LAMA2: variants seen among roughly 807,000 people sequenced by gnomAD.
The protein encoded by LAMA2 is laminin subunit alpha-2.
A neutral mutation model predicts 364.8 loss-of-function variants in LAMA2; 269 were observed. That is an observed-to-expected ratio of 0.74 (90% CI 0.67 to 0.82). The LOEUF is 0.82. LAMA2 is among the 40% of genes least tolerant of loss of function. The probability of loss-of-function intolerance (pLI) is 0.00; values close to 1 mark genes in which losing one functional copy is unlikely to be tolerated. For missense variants in LAMA2, 3,807 were observed against 3,873.2 expected (o/e 0.98, Z 0.45); for synonymous variants, 1,379 against 1,370.6 (o/e 1.01, Z -0.14).
In LAMA2 at chr6:129,312,886, C is replaced by A. The variant is rs767554448; in HGVS notation, c.3200C>A (p.Ser1067Tyr). 2 of 1,613,982 alleles carry A rather than the reference C, an allele frequency of 1.2e-6. No homozygotes were observed. The highest frequency in any genetic ancestry group is 1.7e-6 in the Non-Finnish European group (2 of 1,179,866). ...GCTTGTAACTGCAGCACAGTGGGAT[C>A]CTTGGATTTCCAATGCAATGTAAAT... ...CKACNCSTVG[S>Y]LDFQCNVNTG... Residue 1067 changes from serine (S) to tyrosine (Y), a missense_variant, in exon 23 of 65, where the codon TCC becomes TAC. Around this residue, in one of 3 missense-constraint regions of LAMA2, gnomAD observed 3,333 missense variants for 3,345.7 expected, o/e 1.00. Coordinates refer to ENST00000421865, the MANE Select transcript of LAMA2 (RefSeq NM_000426.4).
intron 40 of LAMA2, among the ~76,000 whole-genome samples, chr6:129,417,621 C>A (rs1780865617): frequency 6.6e-6 from 1 of 152,126 alleles, no homozygotes; most frequent in East Asian, 1.9e-4. Context: ...AACCTGTATG[C>A]CTCCTGCCAC....
chr6:129,155,881 C>T (rs1333450387), intron 8 of LAMA2, among the ~76,000 whole-genome samples: 1 of 151,766 alleles, frequency 6.6e-6, no homozygotes, highest in East Asian at 1.9e-4. Flanking sequence ...ATTTTAGAAT[C>T]AACTTGTCAA....
At chr6:128,961,671 G>A (rs1781531415) in intron 1 of LAMA2, among the ~76,000 whole-genome samples, 1 of 151,778 alleles carries the variant, frequency 6.6e-6, no homozygotes, top group African/African-American at 2.4e-5. Flanking sequence ...GTGCCCACCA[G>A]ATTAAGGGTG....
At chr6:129,293,384 AC>A (rs1171641860) in intron 20 of LAMA2, among the ~76,000 whole-genome samples, 1 of 152,240 alleles carries the variant, frequency 6.6e-6, no homozygotes, top group Non-Finnish European at 1.5e-5. Context: ...ACTTCAGGCA[AC>A]CTTTGGGGAA....
intron 4 of LAMA2, among the ~76,000 whole-genome samples, chr6:129,129,677 C>G (rs1168130021): frequency 6.6e-6 from 1 of 152,110 alleles, no homozygotes; most frequent in African/African-American, 2.4e-5. Context: ...GTAATCCCAG[C>G]ACTTTGGGAG....
At position 129,177,820 on chromosome 6, in the gene LAMA2, T is replaced by A; in HGVS notation, c.1421T>A (p.Leu474Ter). 6.2e-7 allele frequency: 1 copy of A among 1,613,976 alleles called. No individual in the cohort carries two copies. The highest frequency in any genetic ancestry group is 8.5e-7 in the Non-Finnish European group (1 of 1,179,930). The change falls in exon 10 of 65, where the codon TTA becomes TAA. Residue 474 changes from leucine (L) to a stop codon, truncating the protein, a stop_gained. Coordinates refer to ENST00000421865, the MANE Select transcript of LAMA2 (RefSeq NM_000426.4). LOFTEE classifies it high-confidence loss of function. ...TGCAAAGCCTGTAACTGCAGTGGGT[T>A]AGGGAGCAAAAATGAGGATCCTTGT... Reference protein sequence around the residue: ...PDCKACNCSGLGSKNEDPCFG... With the variant: ...PDCKACNCSG
intron 12 of LAMA2, among the ~76,000 whole-genome samples, chr6:129,208,566 G>A (rs199608639): frequency 8.7e-5 from 10 of 115,038 alleles, no homozygotes; most frequent in Admixed American, 2.5e-4. Flanking sequence ...GAAAGAAAGA[G>A]AAAGAAAGAG....
At chr6:129,357,640 C>G (rs887450586) in intron 32 of LAMA2, among the ~76,000 whole-genome samples, 4 of 152,006 alleles carry the variant, frequency 2.6e-5, no homozygotes, top group Non-Finnish European at 5.9e-5. Flanking sequence ...GTAAAATTGG[C>G]AACTTCCAAC....
intron 8 of LAMA2, chr6:129,157,907 T>C (rs568181794): frequency 1.2e-6 from 2 of 1,614,212 alleles, no homozygotes; most frequent in East Asian, 4.5e-5. Context: ...CCAGGTAGCG[T>C]TTGGTGCCCA....
At chr6:128,915,770 A>G (rs527761231) in intron 1 of LAMA2, among the ~76,000 whole-genome samples, 27 of 152,272 alleles carry the variant, frequency 1.8e-4, no homozygotes, top group African/African-American at 6.3e-4. Flanking sequence ...CAGTTATTTT[A>G]TAGTCTAAAA....
At chr6:129,511,847 T>C (rs914820317) in intron 62 of LAMA2, among the ~76,000 whole-genome samples, 2 of 152,172 alleles carry the variant, frequency 1.3e-5, no homozygotes, top group African/African-American at 2.4e-5. Flanking sequence ...AGTTTCTCTC[T>C]TTATTAATAA....
intron 56 of LAMA2, among the ~76,000 whole-genome samples, chr6:129,488,952 C>T (rs1784727369): frequency 6.6e-6 from 1 of 152,186 alleles, no homozygotes; most frequent in Non-Finnish European, 1.5e-5. Flanking sequence ...CCTTTCATCA[C>T]AGATGAGAAA....
chr6:129,300,883 C>T lies in LAMA2; in HGVS notation c.3174+11C>T. The T allele has an allele frequency of 6.2e-7, 1 of 1,613,474 alleles. No individual in the cohort carries two copies. The highest frequency in any genetic ancestry group is 8.5e-7 in the Non-Finnish European group (1 of 1,179,480). On this transcript the variant is annotated intron_variant, in intron 22 of 64. Transcript: ENST00000421865. ...ACCACTGGTTGTAAGGTGAGTGAAC[C>T]ACTTTTTTGCTCTGATAATTTTTTG...
chr6:129,119,282 A>G (rs1159230358), intron 4 of LAMA2, among the ~76,000 whole-genome samples: 1 of 152,164 alleles, frequency 6.6e-6, no homozygotes, highest in Non-Finnish European at 1.5e-5. Context: ...TTTTAATTTT[A>G]GCATTGGTAA....
chr6:128,944,005 C>T (rs888800016), intron 1 of LAMA2, among the ~76,000 whole-genome samples: 2 of 152,186 alleles, frequency 1.3e-5, no homozygotes, highest in Non-Finnish European at 2.9e-5. Flanking sequence ...ATACTGTCTA[C>T]TGGAGATTTG....
chr6:129,297,614 G>C (rs933672159), intron 20 of LAMA2, 71 bp from the exon 21 acceptor site: 2 of 1,392,646 alleles, frequency 1.4e-6, no homozygotes, highest in African/African-American at 2.8e-5. Flanking sequence ...CTGATCTTTG[G>C]TATTGTGCAT....
intron 1 of LAMA2, among the ~76,000 whole-genome samples, chr6:128,954,000 T>G (rs1780998711): frequency 6.6e-6 from 1 of 152,182 alleles, no homozygotes; most frequent in African/African-American, 2.4e-5. Flanking sequence ...AGATTTTTGT[T>G]ATGCTAAATT....
At chr6:129,289,462 G>A (rs1052526697) in intron 19 of LAMA2, among the ~76,000 whole-genome samples, 4 of 152,132 alleles carry the variant, frequency 2.6e-5, no homozygotes, top group African/African-American at 9.7e-5. Flanking sequence ...ACACATGGTA[G>A]CTGTCTTTGG....
chr6:129,246,269 T>C (rs1232500966), intron 12 of LAMA2, among the ~76,000 whole-genome samples: 2 of 152,196 alleles, frequency 1.3e-5, no homozygotes, highest in Non-Finnish European at 2.9e-5. Context: ...AAACCTTTCT[T>C]AATAAAGATA....
Sources: gnomAD v4.1 joint callset for allele counts (sites outside exome capture counted in the v4.1 genomes callset) on GRCh38, gnomAD v4.1.1 for gene constraint, gnomAD v4.1.1 regional missense constraint, MANE v1.5 for transcripts, NCBI Gene and HGNC (gene_info 2026-07-23, HGNC 2026-07-21) for gene names.